Variants in PCDH15 observed in about 807,000 individuals in gnomAD.
PCDH15 encodes the protein protocadherin related 15.
In PCDH15, 129 loss-of-function variants were observed where a neutral mutation model predicts 178.5. That is an observed-to-expected ratio of 0.72 (90% CI 0.63 to 0.84). The LOEUF (loss-of-function observed/expected upper bound fraction) is 0.84. Ranked by LOEUF, PCDH15 falls within the 40% of genes least tolerant of loss-of-function variation. PCDH15 has a pLI of 0.00. For synonymous variants in PCDH15, 800 were observed against 732.0 expected (o/e 1.09, Z -1.50); for missense variants, 2,230 against 2,099.9 (o/e 1.06, Z -1.21).
chr10:55,431,853 T>C (rs7910086), intron 2 of PCDH15, among the ~76,000 whole-genome samples: 116,947 of 152,070 alleles, frequency 0.77, 46,271 homozygotes, highest in East Asian at 1. Context: ...CACAAATCTC[T>C]ATGATTCCAT....
At chr10:54,871,356 T>C (rs1954036782) in intron 3 of PCDH15, among the ~76,000 whole-genome samples, 2 of 151,970 alleles carry the variant, frequency 1.3e-5, no homozygotes, top group South Asian at 4.1e-4. Flanking sequence ...TTCTCATATA[T>C]TATGTATTCC....
chr10:55,006,605 G>T (rs1292457285), intron 2 of PCDH15, among the ~76,000 whole-genome samples: 1 of 151,910 alleles, frequency 6.6e-6, no homozygotes, highest in East Asian at 2.0e-4. Flanking sequence ...CAAGAGGTCT[G>T]GTCATTTAAA....
At chr10:54,011,184 C>T (rs760366864) in intron 20 of PCDH15, among the ~76,000 whole-genome samples, 3 of 152,112 alleles carry the variant, frequency 2.0e-5, no homozygotes, top group Admixed American at 6.5e-5. Context: ...CAGGGACAAC[C>T]GAAAGCCCCT....
At chr10:55,114,233 G>A (rs917264190) in intron 2 of PCDH15, among the ~76,000 whole-genome samples, 3 of 152,176 alleles carry the variant, frequency 2.0e-5, no homozygotes, top group Admixed American at 2.0e-4. Flanking sequence ...TTACATGAGT[G>A]AACCACCGTG....
At chr10:55,388,075 C>T (rs1021624600) in intron 2 of PCDH15, among the ~76,000 whole-genome samples, 9 of 152,080 alleles carry the variant, frequency 5.9e-5, no homozygotes, top group Admixed American at 1.3e-4. Flanking sequence ...CCGTCAAAAT[C>T]AGAAAAATAG....
At chr10:53,888,287 T>TATATATATATATATAC (rs71461209) in intron 26 of PCDH15, among the ~76,000 whole-genome samples, 3 of 55,160 alleles carry the variant, frequency 5.4e-5, no homozygotes, top group Non-Finnish European at 8.6e-5. Flanking sequence ...CAACACTATA[T>TATATATATATATATAC]ATACATATAT....
chr10:55,186,229 A>T (rs1367203254), intron 1 of PCDH15, among the ~76,000 whole-genome samples: 1 of 151,616 alleles, frequency 6.6e-6, no homozygotes, highest in African/African-American at 2.4e-5. Context: ...ATTAAAGTAC[A>T]TAAAAATGTA....
chr10:53,828,727 A>G (rs1258880283), intron 30 of PCDH15, among the ~76,000 whole-genome samples, 154 bp from the exon 31 acceptor site: 1 of 152,202 alleles, frequency 6.6e-6, no homozygotes, highest in Non-Finnish European at 1.5e-5. Context: ...AACTAAGGAT[A>G]TCAATTCAAA....
In PCDH15 at chr10:54,066,710, A is replaced by G. The variant is rs3812657; in HGVS notation, c.2220+47T>C. 361,517 of 1,572,278 alleles carry G rather than the reference A, an allele frequency of 0.23. 44,218 individuals carry two copies. The highest frequency in any genetic ancestry group is 0.25 in the Non-Finnish European group (288,658 of 1,144,540). The stretch of plus-strand genomic sequence containing the variant: ...GAGAATTAAAATGTAATAAACTTAC[A>G]CTCTTTGAAAAACTACATATAAGAT... On this transcript the variant is annotated intron_variant, in intron 18 of 37. Transcript: ENST00000644397.
chr10:53,946,876 C>G (rs2134137360), intron 23 of PCDH15, among the ~76,000 whole-genome samples: 1 of 152,304 alleles, frequency 6.6e-6, no homozygotes, highest in East Asian at 1.9e-4. Context: ...CTCCCACGTT[C>G]AAGCAATTCT....
intron 25 of PCDH15, among the ~76,000 whole-genome samples, chr10:53,923,353 A>G (rs1345836145): frequency 6.6e-6 from 1 of 152,188 alleles, no homozygotes; most frequent in Non-Finnish European, 1.5e-5. Flanking sequence ...TCCTGGGAAT[A>G]AAAAATGAAT....
rs1430160981 is a variant in PCDH15, at chr10:54,323,761, T to G, written c.705+5835A>C. 4.0e-5 allele frequency among the ~76,000 whole-genome samples: 6 copies of G among 151,858 alleles called. No homozygotes were observed. The East Asian group carries it at 1.2e-3, about 29-fold the overall frequency. ...AAAAACTACCCATTGAGTACTATGCTGACCACCTGAGTGCAATACACCCAT... is the reference window on the plus strand; with the variant it reads ...AAAAACTACCCATTGAGTACTATGCGGACCACCTGAGTGCAATACACCCAT... On this transcript the variant is annotated intron_variant, in intron 7 of 37. Transcript: ENST00000644397.
At chr10:55,171,245 C>T (rs181480203) in intron 1 of PCDH15, among the ~76,000 whole-genome samples, 1 of 152,310 alleles carries the variant, frequency 6.6e-6, no homozygotes, top group East Asian at 1.9e-4. Flanking sequence ...ATGGCCAATG[C>T]CAAGCTACTG....
intron 6 of PCDH15, among the ~76,000 whole-genome samples, chr10:54,336,649 G>C (rs1216710775): frequency 6.6e-6 from 1 of 152,256 alleles, no homozygotes; most frequent in Non-Finnish European, 1.5e-5. Context: ...TTCAGAGGAT[G>C]TATGGAAATG....
At chr10:54,841,168 C>A (rs754391119) in intron 3 of PCDH15, among the ~76,000 whole-genome samples, 1 of 151,676 alleles carries the variant, frequency 6.6e-6, no homozygotes, top group Non-Finnish European at 1.5e-5. Flanking sequence ...ATATATTGGA[C>A]CATAAAACAA....
At chr10:54,522,281 A>T (rs2082960616) in intron 3 of PCDH15, among the ~76,000 whole-genome samples, 1 of 152,180 alleles carries the variant, frequency 6.6e-6, no homozygotes, top group Non-Finnish European at 1.5e-5. Context: ...TCAATTAAAA[A>T]GTCAAAAACA....
chr10:54,028,094 A>G (rs1168725011), intron 18 of PCDH15, among the ~76,000 whole-genome samples: 4 of 151,258 alleles, frequency 2.6e-5, no homozygotes, highest in Admixed American at 2.0e-4. Flanking sequence ...TTTACAAGAA[A>G]AAAACAAACA....
At chr10:55,538,882 CT>C (rs1425483751) in intron 2 of PCDH15, among the ~76,000 whole-genome samples, 2 of 47,266 alleles carry the variant, frequency 4.2e-5, no homozygotes, top group African/African-American at 2.5e-4. Flanking sequence ...TCCTTCCTCC[CT>C]TCCTTCCTTT....
intron 2 of PCDH15, among the ~76,000 whole-genome samples, chr10:55,377,399 A>G (rs1837424526): frequency 6.6e-6 from 1 of 151,826 alleles, no homozygotes; most frequent in Non-Finnish European, 1.5e-5. Flanking sequence ...TTAATTTGTG[A>G]TTTGGAAAGG....
Sources: allele counts gnomAD v4.1 joint callset (sites outside exome capture counted in the v4.1 genomes callset), GRCh38; gene constraint gnomAD v4.1.1; transcripts MANE v1.5; gene names NCBI Gene and HGNC (gene_info 2026-07-23, HGNC 2026-07-21).